The following DDHD1 variants were observed in gnomAD, a reference collection of about 807,000 sequenced individuals.
The protein encoded by DDHD1 is phospholipase DDHD1.
Under a neutral mutation model 96.4 loss-of-function variants are expected in DDHD1, and 49 were observed. The ratio of observed to expected loss-of-function variants is 0.51; its 90% CI spans 0.40 to 0.64. DDHD1 has a LOEUF of 0.64. DDHD1 is among the 30% of genes least tolerant of loss of function. The pLI is 0.00. For synonymous variants in DDHD1, 442 were observed against 446.5 expected (o/e 0.99, Z 0.13); for missense variants, 1,106 against 1,161.2 (o/e 0.95, Z 0.69).
intron 1 of DDHD1, among the ~76,000 whole-genome samples, chr14:53,105,316 G>T (rs574495447): frequency 1.3e-5 from 2 of 151,592 alleles, no homozygotes; most frequent in African/African-American, 2.4e-5. Context: ...CTAACTTCAG[G>T]TTTGAGACAA....
intron 1 of DDHD1, among the ~76,000 whole-genome samples, chr14:53,118,514 T>C (rs535055825): frequency 2.2e-4 from 34 of 152,282 alleles, no homozygotes; most frequent in African/African-American, 7.9e-4. Flanking sequence ...TCGGGACCCA[T>C]GCATAAGCTT....
intron 1 of DDHD1, chr14:53,149,981 A>G (rs1424095092): frequency 6.6e-6 from 1 of 152,094 alleles, no homozygotes; most frequent in Non-Finnish European, 1.5e-5. Flanking sequence ...CTGCATATCT[A>G]CCCTGTCTCT....
intron 6 of DDHD1, among the ~76,000 whole-genome samples, chr14:53,072,102 C>T (rs1884558197): frequency 6.6e-6 from 1 of 152,054 alleles, no homozygotes; most frequent in Non-Finnish European, 1.5e-5. Flanking sequence ...CAGAATTCTC[C>T]TTTCCCTCTT....
At chr14:53,070,405 A>G (rs1013593151) in intron 6 of DDHD1, among the ~76,000 whole-genome samples, 1 of 152,204 alleles carries the variant, frequency 6.6e-6, no homozygotes, top group African/African-American at 2.4e-5. Flanking sequence ...TGTATCATCC[A>G]TAACAAATCA....
intron 1 of DDHD1, among the ~76,000 whole-genome samples, chr14:53,114,860 T>C (rs558373901): frequency 2.9e-4 from 44 of 152,184 alleles, no homozygotes; most frequent in African/African-American, 1.0e-3. Context: ...GTCACAAAAC[T>C]GGATGGAGAA....
intron 1 of DDHD1, among the ~76,000 whole-genome samples, chr14:53,137,527 G>C (rs1890325703): frequency 6.6e-6 from 1 of 152,168 alleles, no homozygotes; most frequent in Non-Finnish European, 1.5e-5. Context: ...GGGAGGCAGA[G>C]GTTGCAGTGA....
chr14:53,069,671 C>G (rs566300109), intron 6 of DDHD1, among the ~76,000 whole-genome samples: 347 of 152,248 alleles, frequency 2.3e-3, no homozygotes, highest in African/African-American at 8.1e-3. Context: ...ACATATTCAC[C>G]TACATATATA....
At chr14:53,069,937 GC>G (rs1467555132) in intron 6 of DDHD1, among the ~76,000 whole-genome samples, 1 of 152,004 alleles carries the variant, frequency 6.6e-6, no homozygotes, top group African/African-American at 2.4e-5. Flanking sequence ...TGTTCCCTTT[GC>G]CCCCCATTTA....
chr14:53,059,842 T>A (rs1242734669), intron 8 of DDHD1, among the ~76,000 whole-genome samples: 1 of 114,362 alleles, frequency 8.7e-6, no homozygotes, highest in East Asian at 2.3e-4. Context: ...CCAGCCTGGG[T>A]GACAGAGCAA....
intron 1 of DDHD1, among the ~76,000 whole-genome samples, chr14:53,146,433 G>A (rs1157074216): frequency 1.3e-5 from 2 of 151,648 alleles, no homozygotes; most frequent in African/African-American, 4.9e-5. Flanking sequence ...GAACCTGGGA[G>A]GCAGAGGTTG....
At chr14:53,077,427 G>A (rs1300448367) in intron 4 of DDHD1, among the ~76,000 whole-genome samples, 3 of 151,988 alleles carry the variant, frequency 2.0e-5, no homozygotes, top group Admixed American at 2.0e-4. Flanking sequence ...CATGAACTGA[G>A]GCACAGTTAA....
chr14:53,125,313 G>A (rs1417212535), intron 1 of DDHD1, among the ~76,000 whole-genome samples: 6 of 152,066 alleles, frequency 3.9e-5, no homozygotes, highest in African/African-American at 1.2e-4. Context: ...GGTGGATCTA[G>A]GCAATGCAGA....
chr14:53,076,772 C>G (rs199934229), intron 4 of DDHD1, among the ~76,000 whole-genome samples: 6 of 152,160 alleles, frequency 3.9e-5, no homozygotes, highest in Non-Finnish European at 7.3e-5. Context: ...TCAACATGGA[C>G]GCAAGACCCT....
intron 4 of DDHD1, among the ~76,000 whole-genome samples, chr14:53,077,312 T>G (rs1276206235): frequency 6.6e-6 from 1 of 152,178 alleles, no homozygotes; most frequent in Non-Finnish European, 1.5e-5. Flanking sequence ...AAGGGCCTTT[T>G]AAATTCCATC....
intron 1 of DDHD1, among the ~76,000 whole-genome samples, chr14:53,141,172 G>A (rs149382080): frequency 3.3e-4 from 51 of 152,280 alleles, no homozygotes; most frequent in African/African-American, 1.2e-3. Flanking sequence ...ATAAGATACA[G>A]AAGTTTTAAA....
intron 1 of DDHD1, among the ~76,000 whole-genome samples, chr14:53,139,905 T>G (rs1380401174): frequency 6.7e-6 from 1 of 148,336 alleles, no homozygotes; most frequent in Non-Finnish European, 1.5e-5. Context: ...CTGGAACTAT[T>G]AGAAAACTTA....
At chr14:53,058,417 T>TA in intron 9 of DDHD1, 60 bp downstream of exon 9, 8 of 1,548,034 alleles carry the variant, frequency 5.2e-6, no homozygotes, top group Non-Finnish European at 7.0e-6. Context: ...GCCCAGCTGA[T>TA]AGATTCTTTT....
chr14:53,128,176 T>A (rs576336510), intron 1 of DDHD1, among the ~76,000 whole-genome samples: 1 of 152,350 alleles, frequency 6.6e-6, no homozygotes, highest in African/African-American at 2.4e-5. Flanking sequence ...CACGTGGAAC[T>A]GTGAGTCAAT....
Position 53,152,325 on chromosome 14 carries a change from G to A in DDHD1, c.774C>T (p.Cys258=), listed in dbSNP as rs569088787. 97 of 1,614,018 alleles carry A rather than the reference G, an allele frequency of 6.0e-5. 1 individual carries two copies. The South Asian group carries it at 1.0e-3, about 17-fold the overall frequency. Residue 258 remains cysteine, a synonymous_variant, in exon 1 of 13, where the codon TGC becomes TGT. Transcript: ENST00000673822. The part of the protein sequence containing the change: ...MVELVNIEPV[C]VRGGLYEVDV... The stretch of plus-strand genomic sequence containing the variant: ...CCACCTCGTAGAGGCCGCCCCGCAC[G>A]CACACAGGCTCGATGTTCACAAGCT...
Sources: allele counts gnomAD v4.1 joint callset (sites outside exome capture counted in the v4.1 genomes callset), GRCh38; gene constraint gnomAD v4.1.1; transcripts MANE v1.5; gene names NCBI Gene and HGNC (gene_info 2026-07-23, HGNC 2026-07-21).